The following TMC1 variants were observed in gnomAD, a reference collection of about 807,000 sequenced individuals.
TMC1 encodes transmembrane channel-like protein 1.
In TMC1, 84 loss-of-function variants were observed where a neutral mutation model predicts 105.8. That is an observed-to-expected ratio of 0.79 (90% CI 0.67 to 0.95). TMC1 has a LOEUF of 0.95. TMC1 is among the 40% of genes least tolerant of loss of function. The pLI is 0.00. For missense variants in TMC1, 817 were observed against 914.1 expected, an observed-to-expected ratio of 0.89 and a Z score of 1.37; for synonymous variants, 315 against 311.5, an observed-to-expected ratio of 1.01 and a Z score of -0.12.
chr9:72,675,578 C>G (rs1826190015), intron 5 of TMC1, among the ~76,000 whole-genome samples: 1 of 152,110 alleles, frequency 6.6e-6, no homozygotes, highest in Non-Finnish European at 1.5e-5. Context: ...GTTTAGATCT[C>G]AAACCATTGT....
intron 18 of TMC1, among the ~76,000 whole-genome samples, chr9:72,806,401 G>A (rs1277652265): frequency 4.2e-5 from 6 of 141,644 alleles, no homozygotes; most frequent in Non-Finnish European, 6.2e-5. Flanking sequence ...GCGGGGGGCT[G>A]ACGCCCCCAC....
At chr9:72,816,122 T>C in intron 18 of TMC1, 21 bp from the exon 19 acceptor site, 2 of 1,611,918 alleles carry the variant, frequency 1.2e-6, no homozygotes, top group African/African-American at 2.7e-5. Flanking sequence ...GCTAATCCAA[T>C]GAACATTGTG....
At chr9:72,773,783 C>G (rs112484338) in intron 13 of TMC1, among the ~76,000 whole-genome samples, 8 of 152,256 alleles carry the variant, frequency 5.3e-5, no homozygotes, top group African/African-American at 1.9e-4. Context: ...TGTCTGATGA[C>G]TCAGCTTTTA....
At chr9:72,598,646 C>T (rs1359036843) in intron 2 of TMC1, among the ~76,000 whole-genome samples, 1 of 152,142 alleles carries the variant, frequency 6.6e-6, no homozygotes, top group Non-Finnish European at 1.5e-5. Flanking sequence ...GATTACTGAT[C>T]CTTGCCTTCT....
intron 12 of TMC1, among the ~76,000 whole-genome samples, chr9:72,755,102 A>AAG (rs1214970328): frequency 2.8e-5 from 4 of 145,280 alleles, no homozygotes; most frequent in African/African-American, 1.0e-4. Flanking sequence ...GAGAGAAAGA[A>AAG]AGAAAGAAAG....
At chr9:72,574,669 G>T (rs74733560) in intron 1 of TMC1, among the ~76,000 whole-genome samples, 1 of 152,222 alleles carries the variant, frequency 6.6e-6, no homozygotes, top group Non-Finnish European at 1.5e-5. Context: ...ACTTAAGGTC[G>T]ATAATGGTTA....
rs1413443032 is a variant in TMC1 at position 72,628,033 on chromosome 9, G to A, written c.-83G>A. 4.4e-6 allele frequency: 2 copies of A among 455,744 alleles called. No homozygotes were observed. The highest frequency in any genetic ancestry group is 8.8e-6 in the Non-Finnish European group (2 of 226,772). The allele number at this position is 455,744 out of a possible 1,614,324, so 28.2% of individuals were successfully genotyped here. ...AGGAACTGTCCACGTGGAGTGGTCT[G>A]GTGAATGCTTAAGGAGCTGCAGAAG... On this transcript the variant is annotated 5_prime_UTR_variant, in exon 4 of 24. Coordinates refer to ENST00000297784, the MANE Select transcript of TMC1 (RefSeq NM_138691.3).
chr9:72,558,297 A>G (rs1823979446), intron 1 of TMC1, among the ~76,000 whole-genome samples: 1 of 152,130 alleles, frequency 6.6e-6, no homozygotes, highest in Non-Finnish European at 1.5e-5. Flanking sequence ...CCTCAGCCCA[A>G]CCAAATGTGA....
intron 1 of TMC1, among the ~76,000 whole-genome samples, chr9:72,564,318 A>G (rs1002839065): frequency 6.6e-6 from 1 of 152,182 alleles, no homozygotes; most frequent in Admixed American, 6.6e-5. Flanking sequence ...TCCTGAGAGC[A>G]AACAAACTTT....
chr9:72,681,479 C>G (rs182742740), intron 5 of TMC1, among the ~76,000 whole-genome samples: 96 of 151,988 alleles, frequency 6.3e-4, no homozygotes, highest in Admixed American at 6.2e-3. Flanking sequence ...TCGTGAAATA[C>G]CTAATTGCAG....
At chr9:72,580,395 C>T (rs562147645) in intron 2 of TMC1, among the ~76,000 whole-genome samples, 1 of 152,354 alleles carries the variant, frequency 6.6e-6, no homozygotes, top group South Asian at 2.1e-4. Flanking sequence ...ACACCCTTCT[C>T]ATTTCCTCAC....
chr9:72,768,616 CA>C (rs558095925), intron 12 of TMC1, among the ~76,000 whole-genome samples: 179 of 151,932 alleles, frequency 1.2e-3, no homozygotes, highest in East Asian at 8.7e-3. Context: ...ACTAGAAAAA[CA>C]AAACAACACA....
chr9:72,779,945 C>T (rs1828066056), intron 13 of TMC1, among the ~76,000 whole-genome samples: 1 of 151,960 alleles, frequency 6.6e-6, no homozygotes, highest in Non-Finnish European at 1.5e-5. Flanking sequence ...GATGACCATC[C>T]CCAAGACACA....
intron 7 of TMC1, among the ~76,000 whole-genome samples, chr9:72,700,311 G>A (rs572160142): frequency 3.3e-5 from 5 of 151,660 alleles, no homozygotes; most frequent in East Asian, 1.9e-4. Flanking sequence ...GATTCAGGAA[G>A]GCAAACACTA....
intron 13 of TMC1, among the ~76,000 whole-genome samples, chr9:72,786,874 T>C (rs2118172463): frequency 6.6e-6 from 1 of 152,302 alleles, no homozygotes; most frequent in African/African-American, 2.4e-5. Context: ...TCAAAACTTA[T>C]CTGCCAAGTG....
intron 4 of TMC1, among the ~76,000 whole-genome samples, chr9:72,630,589 GT>G (rs567002129): frequency 1.1e-4 from 17 of 152,044 alleles, no homozygotes; most frequent in Non-Finnish European, 1.9e-4. Context: ...TAAAAATCAT[GT>G]TTATGAATAA....
intron 2 of TMC1, among the ~76,000 whole-genome samples, chr9:72,581,586 C>T (rs1273903684): frequency 2.6e-5 from 4 of 152,190 alleles, no homozygotes; most frequent in Admixed American, 2.6e-4. Flanking sequence ...TACACAGTGA[C>T]CTTGCAAGAA....
Position 72,837,386 on chromosome 9 carries a change from A to G in TMC1, c.*1413A>G, listed in dbSNP as rs1715056555. 2.0e-5 allele frequency: 3 copies of G among 152,140 alleles called. No individual in the cohort carries two copies. In the South Asian group the frequency reaches 6.2e-4, roughly 32 times the overall value. 9.4% of individuals were successfully genotyped at this position (152,140 alleles called of 1,614,324 possible). Reference sequence around the variant, plus strand: ...ATAGTTTAACCACCACCTGACCATCACCAAATGGTCACCTGACATTCCTGT... The same window carrying G: ...ATAGTTTAACCACCACCTGACCATCGCCAAATGGTCACCTGACATTCCTGT... On this transcript the variant is annotated 3_prime_UTR_variant, in exon 24 of 24. Transcript: ENST00000297784.
intron 8 of TMC1, among the ~76,000 whole-genome samples, chr9:72,720,298 G>A (rs887045615): frequency 6.6e-6 from 1 of 152,170 alleles, no homozygotes; most frequent in Admixed American, 6.5e-5. Flanking sequence ...TCACAAACCT[G>A]AAGTTCACAT....
Sources: allele counts gnomAD v4.1 joint callset (sites outside exome capture counted in the v4.1 genomes callset), GRCh38; gene constraint gnomAD v4.1.1; transcripts MANE v1.5; gene names NCBI Gene and HGNC (gene_info 2026-07-23, HGNC 2026-07-21).